Variants in FRMPD1 observed in about 807,000 individuals in gnomAD.
The protein encoded by FRMPD1 is FERM and PDZ domain-containing protein 1.
Under a neutral mutation model 117.8 loss-of-function variants are expected in FRMPD1, and 76 were observed. The ratio of observed to expected loss-of-function variants is 0.65; its 90% CI spans 0.54 to 0.78. FRMPD1 has a LOEUF of 0.78. Among genes scored for constraint, FRMPD1 ranks in the 30% least tolerant of loss-of-function variants. The pLI, the probability that FRMPD1 is intolerant of heterozygous loss-of-function variation, is 0.00. For synonymous variants in FRMPD1, 783 were observed against 770.4 expected (o/e 1.02, Z -0.27); for missense variants, 1,786 against 1,964.5 (o/e 0.91, Z 1.72).
intron 12 of FRMPD1, among the ~76,000 whole-genome samples, chr9:37,735,304 A>G (rs1343896702): frequency 1.3e-5 from 2 of 152,174 alleles, no homozygotes; most frequent in Non-Finnish European, 2.9e-5. Flanking sequence ...ATAGGTACAT[A>G]GGTGTGAAAA....
intron 1 of FRMPD1, among the ~76,000 whole-genome samples, chr9:37,689,272 T>A (rs1160813334): frequency 6.6e-6 from 1 of 152,148 alleles, no homozygotes. Context: ...TTTTCAGTGT[T>A]TACATTATCA....
Position 37,732,303 on chromosome 9 carries a change from G to C in FRMPD1, c.859-1G>C, listed in dbSNP as rs777287404. 4.3e-6 allele frequency: 7 copies of C among 1,613,208 alleles called. No homozygotes were observed. Among genetic ancestry groups the C allele is most frequent in the Non-Finnish European group, 5.9e-6 (7 of 1,179,942 alleles). Reference sequence around the variant, plus strand: ...CATCTGCTCTATTTAATCTCTTCTAGAGCTGCAGCGATGTGCTCCAGGAGC... The same window carrying C: ...CATCTGCTCTATTTAATCTCTTCTACAGCTGCAGCGATGTGCTCCAGGAGC... On this transcript the variant is annotated splice_acceptor_variant, in intron 9 of 15. Coordinates refer to ENST00000377765, the MANE Select transcript of FRMPD1 (RefSeq NM_014907.3). LOFTEE classifies it high-confidence loss of function.
At chr9:37,739,134 C>T (rs550552917) in intron 14 of FRMPD1, among the ~76,000 whole-genome samples, 11 of 152,144 alleles carry the variant, frequency 7.2e-5, no homozygotes, top group Admixed American at 5.2e-4. Context: ...ACCATCCTGT[C>T]GTGGGTACTA....
Position 37,746,014 on chromosome 9 carries a change from A to G in FRMPD1, c.3982A>G (p.Arg1328Gly). Reference sequence around the variant, plus strand: ...AGGCATGAATGAGATGGTGGCTCCCAGGATAGGGATGGACCAGTGCAGCTG... The same window carrying G: ...AGGCATGAATGAGATGGTGGCTCCCGGGATAGGGATGGACCAGTGCAGCTG... ...FAGMNEMVAP[R>G]IGMDQCSCQF... The change falls in exon 16 of 16, where the codon AGG (arginine) becomes GGG (glycine). Residue 1328 changes from arginine to glycine, a missense_variant. Arg to Gly is a moderately radical substitution (Grantham distance 125). Coordinates refer to ENST00000377765, the MANE Select transcript of FRMPD1 (RefSeq NM_014907.3). 2 of 1,614,234 alleles carry G rather than the reference A, an allele frequency of 1.2e-6. No individual in the cohort carries two copies. The highest frequency in any genetic ancestry group is 1.7e-6 in the Non-Finnish European group (2 of 1,180,022).
At chr9:37,723,963 C>T (rs1823507091) in intron 6 of FRMPD1, among the ~76,000 whole-genome samples, 1 of 151,818 alleles carries the variant, frequency 6.6e-6, no homozygotes, top group South Asian at 2.1e-4. Context: ...TGCACCACTG[C>T]ACTCCAGCCT....
the FRMPD1 span, among the ~76,000 whole-genome samples, chr9:37,624,853 T>C: frequency 6.6e-6 from 1 of 152,200 alleles, no homozygotes; most frequent in Admixed American, 6.5e-5. Flanking sequence ...TGGCATTGAA[T>C]TAACTTGAAA....
At chr9:37,628,613 T>A in the FRMPD1 span, among the ~76,000 whole-genome samples, 3 of 152,148 alleles carry the variant, frequency 2.0e-5, no homozygotes, top group African/African-American at 4.8e-5. Flanking sequence ...CTAAAACAAG[T>A]TTTGTAGCTG....
chr9:37,628,646 C>T, the FRMPD1 span, among the ~76,000 whole-genome samples: 2 of 152,174 alleles, frequency 1.3e-5, no homozygotes, highest in East Asian at 3.8e-4. Flanking sequence ...CAGAACCTAA[C>T]CATGCCTCTC....
the FRMPD1 span, among the ~76,000 whole-genome samples, chr9:37,632,539 C>T: frequency 5.9e-5 from 9 of 152,278 alleles, no homozygotes; most frequent in Non-Finnish European, 7.3e-5. Context: ...AGGCTTTATT[C>T]GCAGGCAGGC....
At chr9:37,713,829 G>A (rs1823002110) in intron 5 of FRMPD1, among the ~76,000 whole-genome samples, 1 of 152,122 alleles carries the variant, frequency 6.6e-6, no homozygotes, top group African/African-American at 2.4e-5. Flanking sequence ...CAATATGGAT[G>A]GATGTCTGTC....
chr9:37,724,667 A>G (rs1823546686), intron 7 of FRMPD1, among the ~76,000 whole-genome samples: 1 of 152,148 alleles, frequency 6.6e-6, no homozygotes, highest in Non-Finnish European at 1.5e-5. Context: ...GCCAAACACT[A>G]CGAAAACCCA....
At chr9:37,712,873 GT>G (rs1822963553) in intron 5 of FRMPD1, among the ~76,000 whole-genome samples, 2 of 152,230 alleles carry the variant, frequency 1.3e-5, no homozygotes, top group Admixed American at 1.3e-4. Context: ...AGATTGTAAT[GT>G]TGTTAAGTCC....
chr9:37,667,381 G>T lies in FRMPD1; in HGVS notation c.-5+16287G>T, dbSNP rs1194197667. ...GTGCCAGGCCTGAAGCAGTTTTAAG[G>T]TTACCCCTGGGCTGGCCACAATGGC... is the stretch of plus-strand genomic sequence containing the variant. On this transcript the variant is annotated intron_variant, in intron 1 of 15. Coordinates refer to ENST00000377765, the MANE Select transcript of FRMPD1 (RefSeq NM_014907.3). Among the ~76,000 whole-genome samples the T allele has an allele frequency of 1.3e-4, 19 of 150,788 alleles. No homozygotes were observed. In the South Asian group the frequency reaches 3.8e-3, roughly 30 times the overall value.
At chr9:37,662,749 C>T (rs540843729) in intron 1 of FRMPD1, among the ~76,000 whole-genome samples, 5 of 152,210 alleles carry the variant, frequency 3.3e-5, no homozygotes, top group African/African-American at 1.2e-4. Context: ...GACCTTCTTT[C>T]CTCTCTTATT....
chr9:37,681,729 G>A (rs1008913027), intron 1 of FRMPD1, among the ~76,000 whole-genome samples: 1 of 152,202 alleles, frequency 6.6e-6, no homozygotes, highest in African/African-American at 2.4e-5. Flanking sequence ...TCAGACATCT[G>A]TAACTTGCCA....
intron 7 of FRMPD1, among the ~76,000 whole-genome samples, chr9:37,728,300 A>G (rs1051715320): frequency 3.9e-5 from 6 of 152,196 alleles, no homozygotes; most frequent in Non-Finnish European, 8.8e-5. Context: ...AATTGAAGAA[A>G]ATAATATTAA....
the FRMPD1 span, among the ~76,000 whole-genome samples, chr9:37,620,423 G>A: frequency 6.6e-6 from 1 of 152,068 alleles, no homozygotes. Context: ...CAGGGCTGCT[G>A]TGAGAATTAA....
chr9:37,735,635 C>T lies in FRMPD1; in HGVS notation c.1302C>T (p.Ile434=). ...ISQVINSKLN[I]MSTLAEFANI... Reference sequence around the variant, plus strand: ...AGGTTATCAATAGCAAACTCAACATCATGTCCACATTGGCAGAGTTTGCAA... The same window carrying T: ...AGGTTATCAATAGCAAACTCAACATTATGTCCACATTGGCAGAGTTTGCAA... The change falls in exon 13 of 16, where the codon ATC becomes ATT. Residue 434 remains isoleucine, a synonymous_variant. Coordinates refer to ENST00000377765, the MANE Select transcript of FRMPD1 (RefSeq NM_014907.3). 1 of 1,613,486 alleles carries T rather than the reference C, an allele frequency of 6.2e-7. No individual in the cohort carries two copies. The highest frequency in any genetic ancestry group is 8.5e-7 in the Non-Finnish European group (1 of 1,179,414).
chr9:37,705,054 A>G (rs115357297), intron 2 of FRMPD1, among the ~76,000 whole-genome samples: 305 of 152,170 alleles, frequency 2.0e-3, no homozygotes, highest in African/African-American at 7.1e-3. Context: ...CTAACACCGA[A>G]TGTACATTCA....
Sources: gnomAD v4.1 joint callset for allele counts (sites outside exome capture counted in the v4.1 genomes callset) on GRCh38, gnomAD v4.1.1 for gene constraint, MANE v1.5 for transcripts, NCBI Gene and HGNC (gene_info 2026-07-23, HGNC 2026-07-21) for gene names.